RHOU: variants seen among roughly 807,000 people sequenced by gnomAD.
The protein encoded by RHOU is rho-related GTP-binding protein RhoU.
RHOU carries 8 observed loss-of-function variants against 12.6 expected under a neutral mutation model. That is an observed-to-expected ratio of 0.64 (90% CI 0.37 to 1.15). RHOU has a LOEUF of 1.15. RHOU is among the 50% of genes most tolerant of loss of function. The pLI, the probability that RHOU is intolerant of heterozygous loss-of-function variation, is 0.01. For missense variants in RHOU, 258 were observed against 347.0 expected (o/e 0.74, Z 2.04); for synonymous variants, 161 against 147.4 (o/e 1.09, Z -0.67).
the RHOU span, among the ~76,000 whole-genome samples, chr1:228,707,803 A>G: frequency 2.0e-5 from 3 of 152,356 alleles, no homozygotes; most frequent in East Asian, 1.9e-4. Context: ...ACAAAGCTGG[A>G]CAGAGAATGA....
At chr1:228,683,125 G>C in the RHOU span, among the ~76,000 whole-genome samples, 2 of 149,302 alleles carry the variant, frequency 1.3e-5, no homozygotes, top group Non-Finnish European at 2.9e-5. Context: ...ATCTGGGCTG[G>C]AGTCAACTAC....
chr1:228,674,346 C>CTTT, the RHOU span, among the ~76,000 whole-genome samples: 22 of 135,946 alleles, frequency 1.6e-4, no homozygotes, highest in African/African-American at 5.8e-4. Context: ...TGTTTAGTAC[C>CTTT]TTTTTTTTTT....
the RHOU span, among the ~76,000 whole-genome samples, chr1:228,678,590 C>T: frequency 6.6e-6 from 1 of 152,012 alleles, no homozygotes; most frequent in Non-Finnish European, 1.5e-5. Flanking sequence ...GGAGGACCCT[C>T]GAGTAGTGAG....
the RHOU span, among the ~76,000 whole-genome samples, chr1:228,710,800 G>A: frequency 2.6e-5 from 4 of 152,108 alleles, no homozygotes; most frequent in Admixed American, 2.0e-4. Flanking sequence ...AGTGTTGGAA[G>A]TTCTGGCCAG....
intron 2 of RHOU, among the ~76,000 whole-genome samples, chr1:228,740,791 G>T (rs1007376143): frequency 4.6e-5 from 7 of 152,196 alleles, no homozygotes; most frequent in African/African-American, 1.7e-4. Context: ...GTTTCCCACA[G>T]AAGTTGATGG....
the RHOU span, among the ~76,000 whole-genome samples, chr1:228,654,407 T>C: frequency 1.3e-5 from 2 of 152,180 alleles, no homozygotes; most frequent in Non-Finnish European, 2.9e-5. Context: ...ATATCCAGCA[T>C]AAATGGATTT....
At chr1:228,726,002 A>G in the RHOU span, among the ~76,000 whole-genome samples, 3 of 152,370 alleles carry the variant, frequency 2.0e-5, no homozygotes, top group South Asian at 4.1e-4. Flanking sequence ...CTTAATAAAT[A>G]TAAATAATAG....
At chr1:228,667,618 T>C in the RHOU span, among the ~76,000 whole-genome samples, 31 of 152,346 alleles carry the variant, frequency 2.0e-4, no homozygotes, top group Non-Finnish European at 3.2e-4. Context: ...TCCCTCCATG[T>C]TGGACTTGAT....
chr1:228,646,896 A>C, the RHOU span, among the ~76,000 whole-genome samples: 3 of 151,946 alleles, frequency 2.0e-5, no homozygotes, highest in Non-Finnish European at 4.4e-5. Flanking sequence ...GGAGGGAGAG[A>C]GACAGCGATC....
At chr1:228,697,206 CAG>C in the RHOU span, among the ~76,000 whole-genome samples, 1 of 152,214 alleles carries the variant, frequency 6.6e-6, no homozygotes, top group Non-Finnish European at 1.5e-5. Context: ...GCTTGAAACA[CAG>C]AGATGTGTCA....
the RHOU span, among the ~76,000 whole-genome samples, chr1:228,693,289 C>T: frequency 6.6e-6 from 1 of 152,216 alleles, no homozygotes; most frequent in East Asian, 1.9e-4. Context: ...GAACTGACTG[C>T]TGCCTACGTG....
chr1:228,688,213 C>T, the RHOU span, among the ~76,000 whole-genome samples: 1 of 152,164 alleles, frequency 6.6e-6, no homozygotes, highest in East Asian at 1.9e-4. Context: ...CAACCCTAAC[C>T]TGTTACAGCT....
the RHOU span, among the ~76,000 whole-genome samples, chr1:228,678,893 T>C: frequency 1.3e-5 from 2 of 152,016 alleles, no homozygotes; most frequent in Non-Finnish European, 2.9e-5. Flanking sequence ...CACGCAGACA[T>C]GAGGGCTAGG....
the RHOU span, among the ~76,000 whole-genome samples, chr1:228,649,051 G>A: frequency 6.6e-6 from 1 of 152,174 alleles, no homozygotes; most frequent in East Asian, 1.9e-4. Context: ...TTTTAGCAGT[G>A]ACATGGTTTC....
At chr1:228,694,728 G>A in the RHOU span, among the ~76,000 whole-genome samples, 4 of 152,214 alleles carry the variant, frequency 2.6e-5, no homozygotes, top group African/African-American at 9.6e-5. Flanking sequence ...ATCATTGATG[G>A]GCAGTTAGGT....
the RHOU span, among the ~76,000 whole-genome samples, chr1:228,655,668 C>A: frequency 5.3e-5 from 8 of 152,164 alleles, no homozygotes; most frequent in African/African-American, 1.9e-4. Context: ...CAGGGCTAGA[C>A]CAGACTAACA....
the RHOU span, among the ~76,000 whole-genome samples, chr1:228,651,704 C>T: frequency 6.6e-6 from 1 of 152,310 alleles, no homozygotes; most frequent in African/African-American, 2.4e-5. Context: ...ATACCTGCAG[C>T]AACATGGGAG....
In RHOU at chr1:228,735,508, C is replaced by A. The variant is rs1662580845; in HGVS notation, c.-235C>A. On this transcript the variant is annotated 5_prime_UTR_variant, in exon 1 of 3. Transcript: ENST00000366691. The surrounding 1 kb of genome is among the most constrained non-coding windows in gnomAD (Gnocchi z 8.1). Reference sequence around the variant, plus strand: ...CGCTTGGGATCCACGGCGCTCGGACCGCTGTCCTCCAACAGCGCAGGGCAG... The same window carrying A: ...CGCTTGGGATCCACGGCGCTCGGACAGCTGTCCTCCAACAGCGCAGGGCAG... The A allele has an allele frequency of 1.8e-5, 5 of 281,662 alleles. 1 individual carries two copies. The highest frequency in any genetic ancestry group is 3.3e-5 in the Non-Finnish European group (5 of 152,684). 17.4% of individuals were successfully genotyped at this position (281,662 alleles called of 1,614,324 possible). A position where few individuals can be genotyped will look rare whatever the true frequency, so the allele number is the denominator to read the frequency against.
the RHOU span, among the ~76,000 whole-genome samples, chr1:228,674,834 C>G: frequency 1.4e-4 from 21 of 151,916 alleles, no homozygotes; most frequent in Non-Finnish European, 2.4e-4. Flanking sequence ...GGGTTCACGC[C>G]GTTCTCCTGT....
Sources: gnomAD v4.1 joint callset for allele counts (sites outside exome capture counted in the v4.1 genomes callset) on GRCh38, gnomAD v4.1.1 for gene constraint, Gnocchi (gnomAD v3.1) non-coding constraint, MANE v1.5 for transcripts, NCBI Gene and HGNC (gene_info 2026-07-23, HGNC 2026-07-21) for gene names.